Variants in C2orf42 observed in about 807,000 individuals in gnomAD.
The protein encoded by C2orf42 is chromosome 2 open reading frame 42.
Under a neutral mutation model 58.9 loss-of-function variants are expected in C2orf42, and 44 were observed. The ratio of observed to expected loss-of-function variants is 0.75; its 90% CI spans 0.59 to 0.96. The LOEUF (loss-of-function observed/expected upper bound fraction) is 0.96, where lower values mean the gene tolerates loss of function less well. Among genes scored for constraint, C2orf42 ranks in the 40% least tolerant of loss-of-function variants. C2orf42 has a pLI of 0.00. For synonymous variants in C2orf42, 239 were observed against 265.4 expected, an observed-to-expected ratio of 0.90 and a Z score of 0.97; for missense variants, 630 against 699.2, an observed-to-expected ratio of 0.90 and a Z score of 1.12.
intron 8 of C2orf42, among the ~76,000 whole-genome samples, chr2:70,162,582 T>C (rs1673125478): frequency 6.6e-6 from 1 of 151,672 alleles, no homozygotes; most frequent in African/African-American, 2.4e-5. Flanking sequence ...AGGCAGAGGC[T>C]GCAGTGAGCC....
intron 9 of C2orf42, among the ~76,000 whole-genome samples, chr2:70,155,535 A>C (rs1411027189): frequency 6.6e-6 from 1 of 152,118 alleles, no homozygotes; most frequent in Non-Finnish European, 1.5e-5. Flanking sequence ...GTGGTGGCTC[A>C]TGCCTGTAAT....
At chr2:70,160,995 A>C (rs1673021433) in intron 8 of C2orf42, among the ~76,000 whole-genome samples, 1 of 151,950 alleles carries the variant, frequency 6.6e-6, no homozygotes, top group African/African-American at 2.4e-5. Flanking sequence ...TTTTCTCTAA[A>C]ATCTTAAATT....
chr2:70,171,193 T>C (rs911869409), intron 5 of C2orf42, among the ~76,000 whole-genome samples: 1 of 151,670 alleles, frequency 6.6e-6, no homozygotes, highest in East Asian at 1.9e-4. Context: ...AGAGGATTGT[T>C]TGAGCCCAGG....
rs747481953 is a variant in C2orf42, at chr2:70,150,366, G to C, written c.1715C>G (p.Thr572Ser). 6.2e-7 allele frequency: 1 copy of C among 1,613,636 alleles called. No individual in the cohort carries two copies. The highest frequency in any genetic ancestry group is 8.5e-7 in the Non-Finnish European group (1 of 1,179,850). ...TTATCTTGTTTTGCTTTAAGGGAAA[G>C]TAATAGTGGTCAGAGGGGCCAGTTC... Reference protein sequence around the residue: ...PLELAPLTTITFP With the variant: ...PLELAPLTTISFP The change falls in exon 10 of 10, where the codon ACT (threonine) becomes AGT (serine). Residue 572 changes from threonine (T) to serine (S), a missense_variant. Thr to Ser is a moderately conservative substitution (Grantham distance 58). Coordinates refer to ENST00000264434, the MANE Select transcript of C2orf42 (RefSeq NM_017880.3).
At chr2:70,169,919 C>T (rs1006186211) in intron 5 of C2orf42, among the ~76,000 whole-genome samples, 3 of 151,654 alleles carry the variant, frequency 2.0e-5, no homozygotes, top group East Asian at 2.0e-4. Context: ...CCACCACACC[C>T]GGCTAATTGT....
chr2:70,159,127 C>T (rs1672893288), intron 9 of C2orf42, among the ~76,000 whole-genome samples: 1 of 151,602 alleles, frequency 6.6e-6, no homozygotes, highest in Non-Finnish European at 1.5e-5. Flanking sequence ...ACCTTGTGAT[C>T]CGCCTGTCTC....
chr2:70,178,279 C>T (rs1009183975), intron 4 of C2orf42, among the ~76,000 whole-genome samples: 5 of 152,076 alleles, frequency 3.3e-5, no homozygotes, highest in African/African-American at 4.8e-5. Context: ...TATCAGAGTC[C>T]TTAACTGACA....
At chr2:70,154,262 A>C (rs1006206119) in intron 9 of C2orf42, among the ~76,000 whole-genome samples, 9 of 151,178 alleles carry the variant, frequency 6.0e-5, no homozygotes, top group African/African-American at 2.2e-4. Flanking sequence ...CAAAGAATAG[A>C]ATTAAAATCT....
chr2:70,174,367 T>C (rs1674046055), intron 5 of C2orf42, among the ~76,000 whole-genome samples: 1 of 152,122 alleles, frequency 6.6e-6, no homozygotes. Context: ...TAATTGTACA[T>C]TCACACGCAG....
At position 70,182,006 on chromosome 2, in the gene C2orf42, G is replaced by T; in HGVS notation, c.-12-9C>A. The T allele has an allele frequency of 7.6e-7, 1 of 1,322,972 alleles. No individual in the cohort carries two copies. The highest frequency in any genetic ancestry group is 1.1e-6 in the Non-Finnish European group (1 of 923,658). The allele number at this position is 1,322,972 out of a possible 1,614,324, so 82.0% of individuals were successfully genotyped here. On this transcript the variant is annotated splice_polypyrimidine_tract_variant and intron_variant, in intron 2 of 9. Transcript: ENST00000264434. ...TCCATTTTTCAGAGGCCCTACAAAA[G>T]ACAATACATCCAACAGTATGAGTAT...
At position 70,186,281 on chromosome 2, in the gene C2orf42, C is replaced by T. The variant is rs181126792; in HGVS notation, c.-281-3346G>A. Among the ~76,000 whole-genome samples the T allele has an allele frequency of 2.2e-3, 333 of 151,766 alleles. 5 individuals carry two copies. The highest frequency in any genetic ancestry group is 0.02 in the Admixed American group (300 of 15,182). ...CAGGATTTTTTCATCTGCAAAGCTA[C>T]GATACGACATATATATACGTATATG... On this transcript the variant is annotated intron_variant, in intron 1 of 9. Transcript: ENST00000264434.
intron 7 of C2orf42, 74 bp downstream of exon 7, chr2:70,165,454 C>G (rs1309922117): frequency 6.8e-6 from 6 of 881,204 alleles, no homozygotes; most frequent in Admixed American, 1.9e-5. Flanking sequence ...GGTGAATATT[C>G]CACACAGATT....
chr2:70,155,184 C>T (rs1262713942), intron 9 of C2orf42, among the ~76,000 whole-genome samples: 1 of 151,890 alleles, frequency 6.6e-6, no homozygotes, highest in Non-Finnish European at 1.5e-5. Flanking sequence ...GTGGAGGTTG[C>T]AGTGAGCAAG....
chr2:70,157,745 C>G (rs376660523), intron 9 of C2orf42, among the ~76,000 whole-genome samples: 2 of 151,868 alleles, frequency 1.3e-5, no homozygotes, highest in Non-Finnish European at 2.9e-5. Context: ...TGCAGTGAGC[C>G]GAGATCGTGC....
chr2:70,178,536 A>G (rs1346697867), intron 4 of C2orf42, among the ~76,000 whole-genome samples: 1 of 152,096 alleles, frequency 6.6e-6, no homozygotes, highest in Non-Finnish European at 1.5e-5. Context: ...GAACCTGGGC[A>G]GTGGAGGTTG....
chr2:70,181,562 A>T lies in C2orf42; in HGVS notation c.424T>A (p.Cys142Ser). ...QCQHIKLAVN[C>S]QAEATPLTLK... Reference sequence around the variant, plus strand: ...GTCAGAGGGGTGGCCTCTGCCTGGCAGTTCACCGCCAGCTTGATGTGCTGG... The same window carrying T: ...GTCAGAGGGGTGGCCTCTGCCTGGCTGTTCACCGCCAGCTTGATGTGCTGG... Residue 142 changes from cysteine to serine, a missense_variant, in exon 3 of 10, where the codon TGC becomes AGC. Physicochemically the swap from Cys to Ser is moderately radical, Grantham distance 112 (BLOSUM62 -1). Coordinates refer to ENST00000264434, the MANE Select transcript of C2orf42 (RefSeq NM_017880.3). 6.2e-7 allele frequency: 1 copy of T among 1,614,024 alleles called. No individual in the cohort carries two copies. Among genetic ancestry groups the T allele is most frequent in the Non-Finnish European group, 8.5e-7 (1 of 1,180,014 alleles).
chr2:70,187,879 C>T (rs998225173), intron 1 of C2orf42, among the ~76,000 whole-genome samples: 1 of 151,826 alleles, frequency 6.6e-6, no homozygotes, highest in Admixed American at 6.6e-5. Context: ...TTAGTAGAGA[C>T]GGGGTTTCAC....
chr2:70,188,415 C>A (rs1675100400), intron 1 of C2orf42, among the ~76,000 whole-genome samples: 1 of 152,148 alleles, frequency 6.6e-6, no homozygotes, highest in Non-Finnish European at 1.5e-5. Flanking sequence ...GTCTCGAACT[C>A]CTGACCTCAA....
At chr2:70,170,306 G>A (rs1434852125) in intron 5 of C2orf42, among the ~76,000 whole-genome samples, 1 of 151,134 alleles carries the variant, frequency 6.6e-6, no homozygotes, top group Non-Finnish European at 1.5e-5. Context: ...GGGTGAAGTG[G>A]CATGATCTCA....
Sources: allele counts gnomAD v4.1 joint callset (sites outside exome capture counted in the v4.1 genomes callset), GRCh38; gene constraint gnomAD v4.1.1; transcripts MANE v1.5; gene names NCBI Gene and HGNC (gene_info 2026-07-23, HGNC 2026-07-21).